The following KDM4C variants were observed in gnomAD, a reference collection of about 807,000 sequenced individuals.
KDM4C encodes the protein lysine-specific demethylase 4C.
Under a neutral mutation model 129.3 loss-of-function variants are expected in KDM4C, and 81 were observed. The observed-to-expected ratio is 0.63, with a 90% CI of 0.52 to 0.75. The LOEUF (loss-of-function observed/expected upper bound fraction) is 0.75. KDM4C is among the 30% of genes least tolerant of loss of function. The pLI, the probability that KDM4C is intolerant of heterozygous loss-of-function variation, is 0.00. For synonymous variants in KDM4C, 573 were observed against 456.1 expected (o/e 1.26, Z -3.26); for missense variants, 1,457 against 1,304.0 (o/e 1.12, Z -1.81).
chr9:6,864,676 A>G (rs1272685131), intron 5 of KDM4C, among the ~76,000 whole-genome samples: 1 of 150,010 alleles, frequency 6.7e-6, no homozygotes, highest in Non-Finnish European at 1.5e-5. Flanking sequence ...ATCTTTTTCT[A>G]GTTTTGGAAA....
chr9:7,002,172 C>T (rs190610315), intron 12 of KDM4C, among the ~76,000 whole-genome samples: 35 of 152,334 alleles, frequency 2.3e-4, no homozygotes, highest in Admixed American at 1.8e-3. Context: ...GGATTACAGG[C>T]ATGAGCCACC....
intron 17 of KDM4C, among the ~76,000 whole-genome samples, chr9:7,090,521 T>A (rs1176059014): frequency 1.3e-5 from 2 of 152,182 alleles, no homozygotes; most frequent in African/African-American, 2.4e-5. Flanking sequence ...ATAATTCCTC[T>A]GGTGCTACTT....
chr9:6,851,705 G>T (rs905892440), intron 5 of KDM4C, among the ~76,000 whole-genome samples: 2 of 152,156 alleles, frequency 1.3e-5, no homozygotes. Flanking sequence ...TGAAGTGTCT[G>T]CTTTCTAATT....
chr9:6,881,169 A>G (rs1256452141), intron 6 of KDM4C, among the ~76,000 whole-genome samples: 1 of 152,236 alleles, frequency 6.6e-6, no homozygotes. Flanking sequence ...TTGACTTGAC[A>G]GTTTTTAACA....
intron 12 of KDM4C, among the ~76,000 whole-genome samples, chr9:6,994,252 A>T (rs1410208656): frequency 1.3e-5 from 2 of 152,094 alleles, no homozygotes; most frequent in Non-Finnish European, 2.9e-5. Flanking sequence ...CAGGCCACGG[A>T]CTGGTACTAT....
At chr9:6,986,173 C>G (rs973449014) in intron 10 of KDM4C, among the ~76,000 whole-genome samples, 171 bp from the exon 11 acceptor site, 6 of 152,114 alleles carry the variant, frequency 3.9e-5, no homozygotes, top group African/African-American at 1.2e-4. Context: ...AGTATCAGAG[C>G]TAGTATGTGA....
At chr9:6,750,393 C>T (rs1245779924) in intron 1 of KDM4C, among the ~76,000 whole-genome samples, 1 of 150,302 alleles carries the variant, frequency 6.7e-6, no homozygotes, top group South Asian at 2.1e-4. Flanking sequence ...GAGCCGAGAT[C>T]GTGTCATTGC....
At chr9:6,769,641 T>C (rs955070872) in intron 1 of KDM4C, among the ~76,000 whole-genome samples, 28 of 152,214 alleles carry the variant, frequency 1.8e-4, no homozygotes, top group African/African-American at 6.8e-4. Context: ...AAGAAGGTTC[T>C]TTTTAATAAG....
chr9:6,793,614 A>C (rs1201919340), intron 2 of KDM4C, among the ~76,000 whole-genome samples: 1 of 146,808 alleles, frequency 6.8e-6, no homozygotes, highest in African/African-American at 2.5e-5. Flanking sequence ...ATCTCGGCTC[A>C]CTGCAATCTC....
At chr9:7,170,896 C>G (rs971274381) in intron 21 of KDM4C, 2 of 193,586 alleles carry the variant, frequency 1.0e-5, no homozygotes, top group African/African-American at 2.7e-5. Flanking sequence ...ATAAACTACA[C>G]TAACAATAGC....
At chr9:7,057,906 C>T (rs1472894761) in intron 17 of KDM4C, among the ~76,000 whole-genome samples, 4 of 152,160 alleles carry the variant, frequency 2.6e-5, no homozygotes, top group Admixed American at 2.6e-4. Flanking sequence ...ATTTTGAGCA[C>T]GGACATCGCA....
At chr9:7,070,630 G>GA (rs1356153980) in intron 17 of KDM4C, among the ~76,000 whole-genome samples, 15 of 151,988 alleles carry the variant, frequency 9.9e-5, no homozygotes, top group Non-Finnish European at 1.9e-4. Flanking sequence ...ATATACTGGA[G>GA]AAAAAAACAT....
intron 18 of KDM4C, among the ~76,000 whole-genome samples, chr9:7,120,225 T>A (rs1839350509): frequency 6.6e-6 from 1 of 152,138 alleles, no homozygotes; most frequent in South Asian, 2.1e-4. Context: ...CTTTTGGATG[T>A]TGTTGTGCCT....
chr9:6,935,192 A>C (rs1010361883), intron 8 of KDM4C, among the ~76,000 whole-genome samples: 1 of 152,106 alleles, frequency 6.6e-6, no homozygotes, highest in African/African-American at 2.4e-5. Flanking sequence ...TAATATCTCA[A>C]TTATTTTTTC....
chr9:7,028,156 A>G (rs1490159742), intron 15 of KDM4C, among the ~76,000 whole-genome samples: 1 of 152,072 alleles, frequency 6.6e-6, no homozygotes, highest in Non-Finnish European at 1.5e-5. Flanking sequence ...TATCAGAAAG[A>G]ATCTCTCCTT....
chr9:6,987,618 G>A (rs373667989), intron 11 of KDM4C, among the ~76,000 whole-genome samples: 24 of 152,128 alleles, frequency 1.6e-4, no homozygotes, highest in African/African-American at 4.8e-4. Flanking sequence ...TCCCTGAGTA[G>A]GAGCAAGGGA....
At chr9:6,739,923 C>G (rs1287720523) in intron 1 of KDM4C, among the ~76,000 whole-genome samples, 1 of 152,192 alleles carries the variant, frequency 6.6e-6, no homozygotes, top group Non-Finnish European at 1.5e-5. Context: ...CGGAGTCTCA[C>G]TCTGTTGCCA....
chr9:7,171,702 C>T (rs1393032006), intron 21 of KDM4C, among the ~76,000 whole-genome samples: 1 of 152,120 alleles, frequency 6.6e-6, no homozygotes, highest in Non-Finnish European at 1.5e-5. Context: ...CTTTGTTTCA[C>T]AGTAGATTTC....
intron 20 of KDM4C, among the ~76,000 whole-genome samples, chr9:7,167,076 C>T (rs1177815682): frequency 1.3e-5 from 2 of 152,210 alleles, no homozygotes; most frequent in Non-Finnish European, 2.9e-5. Flanking sequence ...TTTTGACCCT[C>T]AGAGTAGTCC....
Sources: gnomAD v4.1 joint callset for allele counts (sites outside exome capture counted in the v4.1 genomes callset) on GRCh38, gnomAD v4.1.1 for gene constraint, MANE v1.5 for transcripts, NCBI Gene and HGNC (gene_info 2026-07-23, HGNC 2026-07-21) for gene names.